Variants in SLC66A1 observed in about 807,000 individuals in gnomAD.
SLC66A1 encodes the protein lysosomal amino acid transporter 1 homolog.
Under a neutral mutation model 33.0 loss-of-function variants are expected in SLC66A1, and 23 were observed. That is an observed-to-expected ratio of 0.70 (90% CI 0.50 to 0.99). The LOEUF is 0.99. Among genes scored for constraint, SLC66A1 ranks in the 50% least tolerant of loss-of-function variants. The pLI, the probability that SLC66A1 is intolerant of heterozygous loss-of-function variation, is 0.00. For missense variants in SLC66A1, 335 were observed against 383.6 expected (o/e 0.87, Z 1.06); for synonymous variants, 164 against 175.5 (o/e 0.93, Z 0.52).
downstream of SLC66A1, among the ~76,000 whole-genome samples, chr1:19,329,670 T>A (rs184654740): frequency 2.8e-3 from 432 of 152,344 alleles, 1 homozygote; most frequent in Non-Finnish European, 2.7e-3. Context: ...CCTGTGTCCT[T>A]TCAAGGATTA....
intron 4 of SLC66A1, 128 bp downstream of exon 4, chr1:19,325,710 C>A: frequency 1.2e-6 from 1 of 800,414 alleles, no homozygotes; most frequent in Non-Finnish European, 2.0e-6. Context: ...CCTCGGAAAG[C>A]CTTCCCCGGG....
intron 7 of SLC66A1, chr1:19,327,780 G>A: frequency 2.5e-6 from 1 of 397,874 alleles, no homozygotes; most frequent in East Asian, 6.7e-5. Context: ...CTGGTTAGAG[G>A]GGCAGCAAAG....
Position 19,328,935 on chromosome 1 carries a change from C to T in SLC66A1, c.*292C>T. On this transcript the variant is annotated 3_prime_UTR_variant, in exon 8 of 8. Transcript: ENST00000375153. The surrounding 1 kb of genome is among the most constrained non-coding windows in gnomAD (Gnocchi z 4.7). ...GGGGCCACAGCCACAGCCTGCTGGA[C>T]TCAGGACTGTCCTGTCAACTCCAGA... is the stretch of plus-strand genomic sequence containing the variant. The T allele has an allele frequency of 1.9e-6, 1 of 528,810 alleles. No individual in the cohort carries two copies. Among genetic ancestry groups the T allele is most frequent in the South Asian group, 2.2e-5 (1 of 46,018 alleles). 32.8% of individuals were successfully genotyped at this position (528,810 alleles called of 1,614,324 possible). A position where few individuals can be genotyped will look rare whatever the true frequency, so the allele number is the denominator to read the frequency against.
intron 2 of SLC66A1, among the ~76,000 whole-genome samples, chr1:19,320,905 G>T (rs1208715944): frequency 2.0e-5 from 3 of 149,318 alleles, no homozygotes; most frequent in Non-Finnish European, 4.4e-5. Context: ...TAGAGACAGG[G>T]TTACACCATG....
At chr1:19,324,871 A>AC (rs1451667597) in intron 3 of SLC66A1, 109 bp downstream of exon 3, 1 of 1,413,344 alleles carries the variant, frequency 7.1e-7, no homozygotes, top group African/African-American at 1.4e-5. Context: ...CAGAACCCTG[A>AC]CCCGTCATTC....
At chr1:19,326,654 G>T (rs61764959) in intron 6 of SLC66A1, 31 bp downstream of exon 6, 2 of 1,606,386 alleles carry the variant, frequency 1.2e-6, no homozygotes, top group Admixed American at 1.7e-5. Context: ...GGGTGGGGCC[G>T]AGTAGAGGAG....
At chr1:19,317,149 A>G (rs921146635) in intron 1 of SLC66A1, among the ~76,000 whole-genome samples, 1 of 152,018 alleles carries the variant, frequency 6.6e-6, no homozygotes, top group Non-Finnish European at 1.5e-5. Context: ...GAAATTAGGA[A>G]TACCCTAAGT....
rs553933129 is a variant in SLC66A1, at chr1:19,322,762, G to A, written c.165-1871G>A. Among the ~76,000 whole-genome samples the A allele has an allele frequency of 3.9e-5, 6 of 152,318 alleles. No homozygotes were observed. In the East Asian group the frequency reaches 9.7e-4, roughly 25 times the overall value. On this transcript the variant is annotated intron_variant, in intron 2 of 7. Coordinates refer to ENST00000375153, the MANE Select transcript of SLC66A1 (RefSeq NM_001040125.2). ...GGGAGGAAGAGAGCCATCCTGGGGC[G>A]GCGAGCCTGGGGCCTTGCAAGGATC...
chr1:19,327,797 A>G (rs1427867221), intron 7 of SLC66A1: 11 of 375,772 alleles, frequency 2.9e-5, no homozygotes, highest in East Asian at 1.4e-4. Context: ...AAAGGCCCCT[A>G]TAAGTCTCAT....
At chr1:19,326,754 G>C in intron 6 of SLC66A1, 131 bp downstream of exon 6, 1 of 983,872 alleles carries the variant, frequency 1.0e-6, no homozygotes, top group Non-Finnish European at 1.5e-6. Flanking sequence ...CCCGCTGTTG[G>C]CTTGGGCAAG....
At chr1:19,332,360 G>A (rs971074344), downstream of SLC66A1, among the ~76,000 whole-genome samples, 65 of 152,216 alleles carry the variant, frequency 4.3e-4, no homozygotes, top group African/African-American at 1.5e-3. Flanking sequence ...TGAGCACGGA[G>A]GCTCGTGTCC....
Position 19,327,430 on chromosome 1 carries a change from T to G in SLC66A1, c.804+18T>G, listed in dbSNP as rs2093874094. 1 of 1,573,228 alleles carries G rather than the reference T, an allele frequency of 6.4e-7. No individual in the cohort carries two copies. The highest frequency in any genetic ancestry group is 1.3e-5 in the African/African-American group (1 of 74,464). On this transcript the variant is annotated intron_variant, in intron 7 of 7. Transcript: ENST00000375153. ...ACACCATCGTATCCTTCAGGGCGTG[T>G]GGGGCAGGTGGCGGGGTGTGGGCAA...
In SLC66A1 at chr1:19,328,635, C is replaced by T; in HGVS notation, c.868C>T (p.Pro290Ser). 6.2e-7 allele frequency: 1 copy of T among 1,613,730 alleles called. No homozygotes were observed. Reference sequence around the variant, plus strand: ...CGCCTCGGAGCTTGAGCCCCTCCTCCCCAGCTGACCAGAACCAGGCTGAGC... The same window carrying T: ...CGCCTCGGAGCTTGAGCCCCTCCTCTCCAGCTGACCAGAACCAGGCTGAGC... ...TAASELEPLL[P>S]S Residue 290 changes from proline (P) to serine (S), a missense_variant, in exon 8 of 8, where the codon CCC (proline) becomes TCC (serine). Physicochemically the swap from Pro to Ser is moderately conservative, Grantham distance 74. Coordinates refer to ENST00000375153, the MANE Select transcript of SLC66A1 (RefSeq NM_001040125.2). The surrounding 1 kb of genome is among the most constrained non-coding windows in gnomAD (Gnocchi z 4.7).
In SLC66A1 at chr1:19,324,747, C is replaced by A; in HGVS notation, c.279C>A (p.Asp93Glu). The A allele has an allele frequency of 1.9e-6, 3 of 1,614,120 alleles. No homozygotes were observed. The highest frequency in any genetic ancestry group is 2.5e-6 in the Non-Finnish European group (3 of 1,179,994). The change falls in exon 3 of 8, where the codon GAC becomes GAA. Residue 93 changes from aspartate to glutamate, a missense_variant. Coordinates refer to ENST00000375153, the MANE Select transcript of SLC66A1 (RefSeq NM_001040125.2). ...ACCTCATCGGCTCCTTCCTTGCTGA[C>A]CAGCTGCCCCTGCAGGTGGGCCGGT... ...SCNLIGSFLA[D>E]QLPLQTYTAV...
chr1:19,333,486 C>T (rs1432558772), downstream of SLC66A1, among the ~76,000 whole-genome samples: 1 of 152,178 alleles, frequency 6.6e-6, no homozygotes. This position sits in a 1 kb window ranked among gnomAD's most constrained non-coding sequence, Gnocchi z 4.2. Flanking sequence ...GCCAAGACGA[C>T]ATGGCCTTCC....
chr1:19,324,980 G>C (rs903682561), intron 3 of SLC66A1, among the ~76,000 whole-genome samples: 1 of 152,234 alleles, frequency 6.6e-6, no homozygotes, highest in African/African-American at 2.4e-5. Flanking sequence ...TGCAATATGA[G>C]CATGTCTAAC....
At chr1:19,318,984 G>A (rs1306809112) in intron 2 of SLC66A1, among the ~76,000 whole-genome samples, 1 of 152,076 alleles carries the variant, frequency 6.6e-6, no homozygotes, top group Non-Finnish European at 1.5e-5. Flanking sequence ...GAGTGTGTGG[G>A]GGTCAGGGAA....
At chr1:19,325,372 AAGCTCAG>A (rs1293473299) in intron 3 of SLC66A1, 116 bp from the exon 4 acceptor site, 2 of 663,490 alleles carry the variant, frequency 3.0e-6, no homozygotes, top group African/African-American at 3.6e-5. Flanking sequence ...AAGGAAACAG[AAGCTCAG>A]AGAGGAGAAG....
chr1:19,331,978 C>T (rs894679977), downstream of SLC66A1, among the ~76,000 whole-genome samples: 1 of 152,150 alleles, frequency 6.6e-6, no homozygotes, highest in African/African-American at 2.4e-5. Context: ...AAGACATGGC[C>T]CCTCCCCCTG....
Sources: allele counts gnomAD v4.1 joint callset (sites outside exome capture counted in the v4.1 genomes callset), GRCh38; gene constraint gnomAD v4.1.1; non-coding constraint Gnocchi (gnomAD v3.1); transcripts MANE v1.5; gene names NCBI Gene and HGNC (gene_info 2026-07-23, HGNC 2026-07-21).